Variants in RIPOR3 observed in about 807,000 individuals in gnomAD.
RIPOR3 encodes family with sequence similarity 65 member C.
RIPOR3 carries 95 observed loss-of-function variants against 114.3 expected under a neutral mutation model. That is an observed-to-expected ratio of 0.83 (90% CI 0.70 to 0.99). The LOEUF is 0.99. Among genes scored for constraint, RIPOR3 ranks in the 50% least tolerant of loss-of-function variants. RIPOR3 has a pLI of 0.00. For missense variants in RIPOR3, 1,252 were observed against 1,266.9 expected (o/e 0.99, Z 0.18); for synonymous variants, 575 against 543.8 (o/e 1.06, Z -0.80).
chr20:50,647,057 C>T (rs2085424182), intron 1 of RIPOR3, among the ~76,000 whole-genome samples: 1 of 152,144 alleles, frequency 6.6e-6, no homozygotes, highest in South Asian at 2.1e-4. Flanking sequence ...CGTGGTGGCT[C>T]ACACCTGTAA....
At chr20:50,629,307 G>C (rs916797439) in intron 2 of RIPOR3, among the ~76,000 whole-genome samples, 1 of 152,170 alleles carries the variant, frequency 6.6e-6, no homozygotes, top group South Asian at 2.1e-4. Context: ...TGGGGACCCC[G>C]ACCTGTCCAC....
chr20:50,597,449 C>T (rs41283600), intron 14 of RIPOR3, 131 bp downstream of exon 14: 88,465 of 1,334,448 alleles, frequency 0.066, 3,399 homozygotes, highest in Non-Finnish European at 0.078. Flanking sequence ...GAAGGGTGCA[C>T]GATAGAGTGA....
chr20:50,600,530 A>G (rs915325606), intron 13 of RIPOR3, among the ~76,000 whole-genome samples: 1 of 152,222 alleles, frequency 6.6e-6, no homozygotes, highest in African/African-American at 2.4e-5. Context: ...AGGCTGAGGC[A>G]CGAGGATTGC....
chr20:50,625,826 C>T (rs1490510525), intron 2 of RIPOR3, among the ~76,000 whole-genome samples: 1 of 152,220 alleles, frequency 6.6e-6, no homozygotes, highest in African/African-American at 2.4e-5. Context: ...TCTATCCTCC[C>T]ACCCCCCAGG....
In RIPOR3 at chr20:50,592,410, C is replaced by T. The variant is rs773243190; in HGVS notation, c.2511G>A (p.Pro837=). Residue 837 remains proline (P), a synonymous_variant, in exon 19 of 22, where the codon CCG becomes CCA. Coordinates refer to ENST00000327979, the MANE Select transcript of RIPOR3 (RefSeq NM_001290268.2). ...AWALLQLDGT[P]RVCRAASARL... ...GAGCGCTGGCCGCCCTGCACACCCT[C>T]GGAGTGCCGTCCAGCTGGAGCAGCG... 2.3e-5 allele frequency: 37 copies of T among 1,611,870 alleles called. 1 individual carries two copies. The East Asian group carries it at 2.7e-4, about 12-fold the overall frequency.
intron 15 of RIPOR3, 131 bp from the exon 16 acceptor site, chr20:50,595,635 G>C (rs1273569815): frequency 7.7e-7 from 1 of 1,301,616 alleles, no homozygotes; most frequent in East Asian, 2.4e-5. Context: ...TGTCATTTGG[G>C]GATTCCCCTT....
intron 4 of RIPOR3, among the ~76,000 whole-genome samples, chr20:50,615,108 A>AGAGTGTGTGTGTGTGTGT (rs74175509): frequency 7.2e-6 from 1 of 138,514 alleles, no homozygotes; most frequent in Middle Eastern, 3.6e-3. Context: ...GCTATTTGTG[A>AGAGTGTGTGTGTGTGTGT]GTGTGTGTGT....
intron 1 of RIPOR3, among the ~76,000 whole-genome samples, chr20:50,640,515 G>A (rs1471228682): frequency 6.7e-6 from 1 of 148,556 alleles, no homozygotes; most frequent in Non-Finnish European, 1.5e-5. Flanking sequence ...CTCCATGCGG[G>A]GAGGATGTAA....
chr20:50,614,115 A>G (rs2084075526), intron 4 of RIPOR3, among the ~76,000 whole-genome samples: 1 of 152,086 alleles, frequency 6.6e-6, no homozygotes, highest in South Asian at 2.1e-4. Context: ...ACCTCACTGC[A>G]TCCTCCGCCT....
At chr20:50,645,736 T>C (rs1429643597) in intron 1 of RIPOR3, 1 of 152,256 alleles carries the variant, frequency 6.6e-6, no homozygotes, top group African/African-American at 2.4e-5. Flanking sequence ...CCCTCTGGAA[T>C]GCCCACAACT....
intron 6 of RIPOR3, among the ~76,000 whole-genome samples, chr20:50,610,030 ACCTG>A (rs1568854885): frequency 3.4e-4 from 10 of 29,576 alleles, no homozygotes; most frequent in African/African-American, 7.9e-4. Context: ...CCCCTGCCTC[ACCTG>A]CCACCCCTGC....
chr20:50,654,422 G>GA (rs2085732406), intron 1 of RIPOR3, among the ~76,000 whole-genome samples: 1 of 56,074 alleles, frequency 1.8e-5, no homozygotes, highest in Non-Finnish European at 3.1e-5. Context: ...AGGAGGCAGA[G>GA]TTTTTTTTTT....
chr20:50,599,905 TTTTTTTC>T (rs1380665711), intron 13 of RIPOR3, among the ~76,000 whole-genome samples: 3 of 151,878 alleles, frequency 2.0e-5, no homozygotes, highest in South Asian at 4.2e-4. Flanking sequence ...CACACACACT[TTTTTTTC>T]TTTTGAGAGA....
intron 1 of RIPOR3, among the ~76,000 whole-genome samples, chr20:50,667,210 C>T (rs1454144909): frequency 6.6e-6 from 1 of 152,076 alleles, no homozygotes; most frequent in Non-Finnish European, 1.5e-5. Context: ...ACCTCCACCC[C>T]ATCCCCAAAC....
intron 3 of RIPOR3, among the ~76,000 whole-genome samples, chr20:50,617,022 G>A (rs1377886300): frequency 2.0e-5 from 3 of 152,260 alleles, no homozygotes; most frequent in Non-Finnish European, 2.9e-5. Context: ...CACACCTGTA[G>A]TCCCAGCTAC....
chr20:50,630,115 G>A (rs2084764364), intron 2 of RIPOR3, among the ~76,000 whole-genome samples: 1 of 152,084 alleles, frequency 6.6e-6, no homozygotes. Context: ...TTACAGGCAT[G>A]TGCCACCACA....
intron 1 of RIPOR3, among the ~76,000 whole-genome samples, chr20:50,680,395 A>G (rs2086819645): frequency 6.6e-6 from 1 of 152,298 alleles, no homozygotes; most frequent in South Asian, 2.1e-4. Flanking sequence ...TTTTTTCCCC[A>G]CTTTGAGTTA....
rs80039159 is a variant in RIPOR3 at position 50,609,072 on chromosome 20, G to C, written c.641-117C>G. The C allele has an allele frequency of 3.1e-4, 430 of 1,401,326 alleles. 1 individual carries two copies. In the African/African-American group the frequency reaches 5.3e-3, roughly 17 times the overall value. 86.8% of individuals were successfully genotyped at this position (1,401,326 alleles called of 1,614,324 possible). On this transcript the variant is annotated intron_variant, in intron 8 of 21. Transcript: ENST00000327979. Reference sequence around the variant, plus strand: ...TTTTCAGTTTCAGTGGGGTGAGGATGGGGGGGAGGTACACCATCATGATGG... The same window carrying C: ...TTTTCAGTTTCAGTGGGGTGAGGATCGGGGGGAGGTACACCATCATGATGG...
chr20:50,686,149 C>T (rs959012455), intron 1 of RIPOR3, among the ~76,000 whole-genome samples: 13 of 152,018 alleles, frequency 8.6e-5, no homozygotes, highest in Admixed American at 2.6e-4. Flanking sequence ...CTCCGCCTCC[C>T]GGGTTCACGC....
Sources: allele counts gnomAD v4.1 joint callset (sites outside exome capture counted in the v4.1 genomes callset), GRCh38; gene constraint gnomAD v4.1.1; transcripts MANE v1.5; gene names NCBI Gene and HGNC (gene_info 2026-07-23, HGNC 2026-07-21).